The following MED26 variants were observed in gnomAD, a reference collection of about 807,000 sequenced individuals.
MED26 encodes the protein mediator of RNA polymerase II transcription subunit 26.
MED26 carries 7 observed loss-of-function variants against 43.7 expected under a neutral mutation model. That is an observed-to-expected ratio of 0.16 (90% CI 0.09 to 0.30). MED26 has a LOEUF of 0.30. MED26 is among the 10% of genes least tolerant of loss of function. The pLI, the probability that MED26 is intolerant of heterozygous loss-of-function variation, is 1.00. For synonymous variants in MED26, 375 were observed against 371.1 expected (o/e 1.01, Z -0.12); for missense variants, 784 against 840.6 (o/e 0.93, Z 0.83).
rs2085987371 is a variant in MED26, at chr19:16,575,343, A to T, written c.*684T>A. 1 of 152,648 alleles carries T rather than the reference A, an allele frequency of 6.6e-6. No homozygotes were observed. The highest frequency in any genetic ancestry group is 1.5e-5 in the Non-Finnish European group (1 of 68,038). 9.5% of individuals were successfully genotyped at this position (152,648 alleles called of 1,614,324 possible). ...TTAAAATAAACATGAGAAAACTTAA[A>T]TTTTTGCAGCATTTCTTTAAAAACT... On this transcript the variant is annotated 3_prime_UTR_variant, in exon 3 of 3. Transcript: ENST00000263390.
chr19:16,606,833 G>A (rs1255439849), intron 1 of MED26, among the ~76,000 whole-genome samples: 1 of 152,186 alleles, frequency 6.6e-6, no homozygotes, highest in Non-Finnish European at 1.5e-5. Context: ...TTGCAGGTTT[G>A]GTGGGAACCC....
At chr19:16,627,818 G>T in intron 1 of MED26, 54 bp downstream of exon 1, 1 of 1,337,418 alleles carries the variant, frequency 7.5e-7, no homozygotes, top group Non-Finnish European at 1.0e-6. Context: ...CAGGAGAGGG[G>T]GAGGGTCCCG....
rs199657390 is a variant in MED26, at chr19:16,576,775, G to A, written c.1055C>T (p.Ala352Val). The A allele has an allele frequency of 8.7e-6, 14 of 1,604,970 alleles. No individual in the cohort carries two copies. The highest frequency in any genetic ancestry group is 5.3e-5 in the African/African-American group (4 of 74,964). The change falls in exon 3 of 3, where the codon GCG (alanine) becomes GTG (valine). Residue 352 changes from alanine to valine, a missense_variant. Around this residue, in one of 3 missense-constraint regions of MED26, gnomAD observed 719 missense variants for 730.9 expected, o/e 0.98. Coordinates refer to ENST00000263390, the MANE Select transcript of MED26 (RefSeq NM_004831.5). The surrounding 1 kb of genome is among the most constrained non-coding windows in gnomAD (Gnocchi z 6.8). ...CAGCCCTGCCTTGCAGCCCGGCCCC[G>A]CCAGCCGCTGGTGGCTCTCAGGCTG... ...LEQPESHQRL[A>V]GPGCKAGLSP...
intron 1 of MED26, among the ~76,000 whole-genome samples, chr19:16,614,997 G>A (rs1374358353): frequency 6.6e-6 from 1 of 152,098 alleles, no homozygotes; most frequent in African/African-American, 2.4e-5. Context: ...ACATCCATTT[G>A]TAAACTGGTC....
In MED26 at chr19:16,587,893, A is replaced by T. The variant is rs2086078433; in HGVS notation, c.73-9484T>A. 1 of 152,290 alleles carries T rather than the reference A, an allele frequency of 6.6e-6. No homozygotes were observed. Among genetic ancestry groups the T allele is most frequent in the East Asian group, 1.9e-4 (1 of 5,200 alleles). The allele number at this position is 152,290 out of a possible 1,614,324, so 9.4% of individuals were successfully genotyped here. On this transcript the variant is annotated intron_variant, in intron 1 of 2. Transcript: ENST00000263390. This position sits in a 1 kb window ranked among gnomAD's most constrained non-coding sequence, Gnocchi z 4.9. ...TTGGGGCAGAAGTAGGAGCTCCATC[A>T]GTAGGCATGCCTGACTTCTGCAGCG...
intron 1 of MED26, among the ~76,000 whole-genome samples, chr19:16,626,507 G>C (rs1037635255): frequency 1.3e-5 from 2 of 152,252 alleles, no homozygotes; most frequent in African/African-American, 2.4e-5. Flanking sequence ...AATGGGACCT[G>C]AATACCAGGG....
intron 1 of MED26, among the ~76,000 whole-genome samples, chr19:16,626,940 A>AAC (rs147106610): frequency 0.045 from 3,981 of 88,302 alleles, 209 homozygotes; most frequent in African/African-American, 0.15. Flanking sequence ...CCCCCGCAAC[A>AAC]ACACACACAC....
intron 1 of MED26, among the ~76,000 whole-genome samples, chr19:16,625,837 C>CA (rs1365974389): frequency 6.6e-6 from 1 of 152,168 alleles, no homozygotes; most frequent in Non-Finnish European, 1.5e-5. Flanking sequence ...CTCAGAGGGT[C>CA]AATCACAAAG....
At chr19:16,590,248 C>T (rs932335896) in intron 1 of MED26, among the ~76,000 whole-genome samples, 3 of 152,206 alleles carry the variant, frequency 2.0e-5, no homozygotes, top group East Asian at 1.9e-4. Flanking sequence ...ACCACAGATA[C>T]GCCCCCTCCA....
At chr19:16,593,474 C>A (rs746966696) in intron 1 of MED26, among the ~76,000 whole-genome samples, 2 of 152,168 alleles carry the variant, frequency 1.3e-5, no homozygotes, top group Non-Finnish European at 2.9e-5. Context: ...GTGCAGGGAC[C>A]TTGGTTTTGT....
intron 1 of MED26, chr19:16,611,837 G>C (rs1434316948): frequency 6.6e-6 from 1 of 152,032 alleles, no homozygotes; most frequent in Non-Finnish European, 1.5e-5. Flanking sequence ...AAAAAAAGAA[G>C]TAAATGGAGA....
intron 1 of MED26, chr19:16,597,291 C>T: frequency 2.5e-6 from 1 of 397,198 alleles, no homozygotes; most frequent in Non-Finnish European, 4.4e-6. Flanking sequence ...AAGTTTCCCC[C>T]ACTTCACAGG....
In MED26 at chr19:16,577,564, T is replaced by C. The variant is rs761805169; in HGVS notation, c.266A>G (p.Gln89Arg). 4 of 1,609,660 alleles carry C rather than the reference T, an allele frequency of 2.5e-6. No individual in the cohort carries two copies. The highest frequency in any genetic ancestry group is 2.2e-5 in the East Asian group (1 of 44,766). The change falls in exon 3 of 3, where the codon CAG becomes CGG. Residue 89 changes from glutamine to arginine, a missense_variant. Physicochemically the swap from Gln to Arg is conservative, Grantham distance 43. This residue lies in a region of MED26 where 719 missense variants were observed against 730.9 expected (regional missense o/e 0.98). Coordinates refer to ENST00000263390, the MANE Select transcript of MED26 (RefSeq NM_004831.5). This position sits in a 1 kb window ranked among gnomAD's most constrained non-coding sequence, Gnocchi z 8.1. Reference sequence around the variant, plus strand: ...CAGCCCCCGCAGCGCCGCCTCATGCTGGTGTGCCGGCTCGATGAGCTTCTG... The same window carrying C: ...CAGCCCCCGCAGCGCCGCCTCATGCCGGTGTGCCGGCTCGATGAGCTTCTG... Reference protein sequence around the residue: ...SWQKLIEPAHQHEAALRGLAG... With the variant: ...SWQKLIEPAHRHEAALRGLAG...
At chr19:16,597,483 C>A (rs1237412028) in intron 1 of MED26, 3 of 398,510 alleles carry the variant, frequency 7.5e-6, no homozygotes, top group Non-Finnish European at 1.3e-5. Flanking sequence ...GGTTAGACAA[C>A]AGAAACAACA....
intron 1 of MED26, among the ~76,000 whole-genome samples, chr19:16,581,189 A>G (rs2086043315): frequency 7.5e-6 from 1 of 133,612 alleles, no homozygotes; most frequent in African/African-American, 2.9e-5. Flanking sequence ...CTCTTTGGCA[A>G]CAACGGCCTT....
intron 1 of MED26, among the ~76,000 whole-genome samples, chr19:16,602,459 G>A (rs75707929): frequency 7.8e-4 from 119 of 152,224 alleles, no homozygotes; most frequent in African/African-American, 2.8e-3. Flanking sequence ...ACTTAACTCA[G>A]AAACAACCGC....
intron 1 of MED26, among the ~76,000 whole-genome samples, chr19:16,581,719 C>T (rs1457656043): frequency 1.3e-5 from 2 of 152,246 alleles, no homozygotes; most frequent in East Asian, 3.8e-4. Context: ...CTCCTGGAAA[C>T]TGTGTGGGAG....
chr19:16,594,160 G>T (rs534871372), intron 1 of MED26, among the ~76,000 whole-genome samples: 1 of 152,370 alleles, frequency 6.6e-6, no homozygotes, highest in African/African-American at 2.4e-5. Context: ...GTGTGGCAAG[G>T]CAGGGAGAGT....
chr19:16,590,859 G>A (rs1472889844), intron 1 of MED26, among the ~76,000 whole-genome samples: 1 of 151,764 alleles, frequency 6.6e-6, no homozygotes, highest in Non-Finnish European at 1.5e-5. Context: ...GCAACATGGC[G>A]AAACCCTGTC....
Sources: allele counts gnomAD v4.1 joint callset (sites outside exome capture counted in the v4.1 genomes callset), GRCh38; gene constraint gnomAD v4.1.1; regional missense constraint gnomAD v4.1.1; non-coding constraint Gnocchi (gnomAD v3.1); transcripts MANE v1.5; gene names NCBI Gene and HGNC (gene_info 2026-07-23, HGNC 2026-07-21).